SYNE2: variants seen among roughly 807,000 people sequenced by gnomAD.
SYNE2 encodes spectrin repeat containing nuclear envelope protein 2, also known as nesprin-2.
In SYNE2, 431 loss-of-function variants were observed where a neutral mutation model predicts 856.3. The observed-to-expected ratio is 0.50, with a 90% CI of 0.47 to 0.55. The LOEUF is 0.55. Among genes scored for constraint, SYNE2 ranks in the 20% least tolerant of loss-of-function variants. The pLI is 0.00. For missense variants in SYNE2, 8,129 were observed against 8,023.2 expected (o/e 1.01, Z -0.50); for synonymous variants, 2,923 against 2,872.3 (o/e 1.02, Z -0.56).
intron 22 of SYNE2, among the ~76,000 whole-genome samples, chr14:63,994,299 G>C (rs896147648): frequency 2.0e-5 from 3 of 152,132 alleles, no homozygotes; most frequent in African/African-American, 7.2e-5. Context: ...TTATGTTCTG[G>C]TAATTAATGG....
rs113483732 is a variant in SYNE2, at chr14:63,838,671, G to A, written c.-304-13830G>A. On this transcript the variant is annotated intron_variant, in intron 1 of 23. Transcript: ENST00000674003. Reference sequence around the variant, plus strand: ...CTATAGGCACGCATAACTGAGCTTGGCTAATTTTAAAATTTTTTGTAGAGA... The same window carrying A: ...CTATAGGCACGCATAACTGAGCTTGACTAATTTTAAAATTTTTTGTAGAGA... Among the ~76,000 whole-genome samples the A allele has an allele frequency of 6.7e-3, 1,025 of 152,090 alleles. 5 individuals carry two copies. Among genetic ancestry groups the A allele is most frequent in the Non-Finnish European group, 0.01 (707 of 68,012 alleles).
At chr14:64,090,783 C>A in intron 59 of SYNE2, 83 bp from the exon 60 acceptor site, 1 of 1,239,942 alleles carries the variant, frequency 8.1e-7, no homozygotes, top group Non-Finnish European at 1.1e-6. Flanking sequence ...AAAAACTATA[C>A]TGTATTTTAA....
intron 1 of SYNE2, among the ~76,000 whole-genome samples, chr14:63,881,389 C>A (rs1257402696): frequency 6.6e-6 from 1 of 152,012 alleles, no homozygotes; most frequent in Non-Finnish European, 1.5e-5. Flanking sequence ...GGGCCAGGCA[C>A]AGTGGCTTAC....
chr14:64,158,484 C>T, intron 85 of SYNE2, 141 bp from the exon 86 acceptor site: 1 of 873,034 alleles, frequency 1.1e-6, no homozygotes, highest in Non-Finnish European at 1.8e-6. Context: ...ATTGACCTAC[C>T]CTTTCCACCT....
intron 45 of SYNE2, among the ~76,000 whole-genome samples, chr14:64,037,601 CA>C (rs1567119652): frequency 2.0e-5 from 3 of 151,770 alleles, no homozygotes; most frequent in African/African-American, 7.2e-5. Flanking sequence ...TTCTATTCCA[CA>C]AAACCGCCAT....
rs1174021075 is a variant in SYNE2, at chr14:64,052,840, G to A, written c.8927G>A (p.Gly2976Asp). 1.2e-6 allele frequency: 2 copies of A among 1,613,572 alleles called. No individual in the cohort carries two copies. Among genetic ancestry groups the A allele is most frequent in the Non-Finnish European group, 1.7e-6 (2 of 1,179,934 alleles). ...ELLLNQEVNK[G>D]VKEEIYNLKD... is the part of the protein sequence containing the mutation. ...TTACTTAATCAAGAAGTAAATAAAG[G>A]TGTTAAAGAGGAGATCTATAATCTT... The change falls in exon 48 of 116, where the codon GGT (glycine) becomes GAT (aspartate). Residue 2976 changes from glycine (G) to aspartate (D), a missense_variant. Transcript: ENST00000555002.
intron 108 of SYNE2, 61 bp downstream of exon 108, chr14:64,216,448 G>A (rs753739456): frequency 1.3e-6 from 2 of 1,578,822 alleles, no homozygotes; most frequent in South Asian, 1.1e-5. Context: ...ACATTTGCAA[G>A]AGAGAGAGAT....
chr14:63,959,949 A>G (rs1422557719), intron 8 of SYNE2, among the ~76,000 whole-genome samples: 1 of 152,242 alleles, frequency 6.6e-6, no homozygotes, highest in Non-Finnish European at 1.5e-5. Context: ...CCCATAATTC[A>G]TTATAAATGG....
chr14:63,869,673 A>G (rs1317409504), intron 1 of SYNE2, among the ~76,000 whole-genome samples: 1 of 151,834 alleles, frequency 6.6e-6, no homozygotes, highest in African/African-American at 2.4e-5. Flanking sequence ...CTCCCAATAA[A>G]TAATTTGCAA....
intron 110 of SYNE2, among the ~76,000 whole-genome samples, chr14:64,219,922 G>A (rs1442044916): frequency 6.6e-6 from 1 of 152,186 alleles, no homozygotes; most frequent in Non-Finnish European, 1.5e-5. Flanking sequence ...CTAGCCCAGG[G>A]AGCTGCAAAG....
chr14:63,899,262 C>CA (rs1208089337), intron 1 of SYNE2, among the ~76,000 whole-genome samples: 6 of 151,516 alleles, frequency 4.0e-5, no homozygotes, highest in African/African-American at 1.2e-4. Flanking sequence ...AGTGCAGTGT[C>CA]ACGATCTCAG....
chr14:64,225,481 CTTT>C lies in SYNE2; in HGVS notation c.20681_20683del (p.Phe6894del), dbSNP rs1567709057. On this transcript the variant is annotated inframe_deletion, in exon 116 of 116. Transcript: ENST00000555002. The stretch of plus-strand genomic sequence containing the variant: ...CTCAGGCCAACAACTTTGCCCGGTC[CTTT>C]TACCCCATGCTGAGGTACACCAATG... 1 of 1,614,228 alleles carries C rather than the reference CTTT, an allele frequency of 6.2e-7. No individual in the cohort carries two copies. The highest frequency in any genetic ancestry group is 1.7e-5 in the Admixed American group (1 of 60,030).
chr14:64,215,856 G>C lies in SYNE2; in HGVS notation c.19403-392G>C. 8.4e-6 allele frequency: 8 copies of C among 953,436 alleles called. No individual in the cohort carries two copies. The South Asian group carries it at 1.5e-4, about 17-fold the overall frequency. The allele number at this position is 953,436 out of a possible 1,614,324, so 59.1% of individuals were successfully genotyped here. On this transcript the variant is annotated intron_variant, in intron 107 of 115. Transcript: ENST00000555002. ...CCATCCCTATCTGCCATGGTGGGTC[G>C]GGGAGAGCCCTGAGGAGCCTTTTGG... is the stretch of plus-strand genomic sequence containing the variant.
intron 2 of SYNE2, among the ~76,000 whole-genome samples, chr14:63,924,658 T>C (rs1388338918): frequency 1.3e-5 from 2 of 152,192 alleles, no homozygotes; most frequent in Non-Finnish European, 2.9e-5. Context: ...TTCTTGATTT[T>C]TTCATTGGCA....
At chr14:63,920,226 G>A (rs1217480843) in intron 2 of SYNE2, among the ~76,000 whole-genome samples, 1 of 151,814 alleles carries the variant, frequency 6.6e-6, no homozygotes, top group East Asian at 1.9e-4. Flanking sequence ...CAGTATCATG[G>A]GGTATGTGCT....
intron 85 of SYNE2, among the ~76,000 whole-genome samples, chr14:64,154,701 G>A (rs1465986173): frequency 1.3e-5 from 2 of 150,886 alleles, no homozygotes; most frequent in Non-Finnish European, 2.9e-5. Flanking sequence ...GCTGAGGCAC[G>A]AGGATCACCT....
chr14:63,995,549 C>T (rs1425106549), intron 23 of SYNE2, among the ~76,000 whole-genome samples: 2 of 152,154 alleles, frequency 1.3e-5, no homozygotes, highest in East Asian at 1.9e-4. Flanking sequence ...TTTGAGAAAA[C>T]GAGCAAATCA....
intron 109 of SYNE2, 136 bp from the exon 110 acceptor site, chr14:64,219,072 C>G: frequency 1.2e-6 from 1 of 807,216 alleles, no homozygotes; most frequent in Non-Finnish European, 1.9e-6. Context: ...AAACCAGACC[C>G]TTCTGTCAGG....
chr14:63,936,241 T>G (rs2095831692), intron 2 of SYNE2, among the ~76,000 whole-genome samples: 1 of 152,204 alleles, frequency 6.6e-6, no homozygotes, highest in African/African-American at 2.4e-5. Context: ...TTCTAGGCAC[T>G]TGGGACATAG....
Sources: allele counts gnomAD v4.1 joint callset (sites outside exome capture counted in the v4.1 genomes callset), GRCh38; gene constraint gnomAD v4.1.1; transcripts MANE v1.5; gene names NCBI Gene and HGNC (gene_info 2026-07-23, HGNC 2026-07-21).